The following IARS2 variants were observed in gnomAD, a reference collection of about 807,000 sequenced individuals.
IARS2 encodes isoleucine--tRNA ligase, mitochondrial.
In IARS2, 56 loss-of-function variants were observed where a neutral mutation model predicts 126.3. The observed-to-expected ratio is 0.44, with a 90% confidence interval of 0.36 to 0.55. The LOEUF is 0.55. Among genes scored for constraint, IARS2 ranks in the 20% least tolerant of loss-of-function variants. The pLI, the probability that IARS2 is intolerant of heterozygous loss-of-function variation, is 0.00. For synonymous variants in IARS2, 407 were observed against 441.1 expected (o/e 0.92, Z 0.97); for missense variants, 1,127 against 1,245.9 (o/e 0.90, Z 1.44).
At position 220,094,329 on chromosome 1, in the gene IARS2, A is replaced by C; in HGVS notation, c.113A>C (p.Lys38Thr). The change falls in exon 1 of 23, where the codon AAG becomes ACG. Residue 38 changes from lysine (K) to threonine (T), a missense_variant. Coordinates refer to ENST00000366922, the MANE Select transcript of IARS2 (RefSeq NM_018060.4). ...PCSPGWQGAT[K>T]RLLVRSVSGA... Reference sequence around the variant, plus strand: ...AGCCCGGGATGGCAAGGGGCGACGAAGAGGCTTCTGGTGCGGTCGGTCTCC... The same window carrying C: ...AGCCCGGGATGGCAAGGGGCGACGACGAGGCTTCTGGTGCGGTCGGTCTCC... The C allele has an allele frequency of 6.2e-7, 1 of 1,612,832 alleles. No homozygotes were observed. Among genetic ancestry groups the C allele is most frequent in the Non-Finnish European group, 8.5e-7 (1 of 1,179,556 alleles).
chr1:220,102,375 C>A lies in IARS2; in HGVS notation c.712C>A (p.Arg238=). 6.2e-7 allele frequency: 1 copy of A among 1,613,650 alleles called. No homozygotes were observed. Among genetic ancestry groups the A allele is most frequent in the Non-Finnish European group, 8.5e-7 (1 of 1,179,904 alleles). ...TTGTCTTTTATAGGGCTTGGTTTAT[C>A]GATCTTACAAACCTGTGTTTTGGTC... is the stretch of plus-strand genomic sequence containing the variant. ...YQMYDKGLVY[R]SYKPVFWSPS... Residue 238 remains arginine (R), a synonymous_variant, in exon 5 of 23, where the codon CGA becomes AGA. Transcript: ENST00000366922.
Position 220,145,618 on chromosome 1 carries a change from T to G in IARS2, c.2861T>G (p.Ile954Ser). Reference sequence around the variant, plus strand: ...CCACGAGAGATGACTGCAGATGTAATCGAGCTTAAAGGGAAATTCCTCATC... The same window carrying G: ...CCACGAGAGATGACTGCAGATGTAAGCGAGCTTAAAGGGAAATTCCTCATC... ...QEPREMTADV[I>S]ELKGKFLINL... The change falls in exon 22 of 23, where the codon ATC becomes AGC. Residue 954 changes from isoleucine (I) to serine (S), a missense_variant. Coordinates refer to ENST00000366922, the MANE Select transcript of IARS2 (RefSeq NM_018060.4). The G allele has an allele frequency of 1.9e-6, 3 of 1,613,476 alleles. No homozygotes were observed. Among genetic ancestry groups the G allele is most frequent in the Non-Finnish European group, 2.5e-6 (3 of 1,179,616 alleles).
At chr1:220,128,321 C>T (rs1170033174) in intron 14 of IARS2, among the ~76,000 whole-genome samples, 3 of 152,172 alleles carry the variant, frequency 2.0e-5, no homozygotes, top group African/African-American at 7.2e-5. Context: ...TGTATTTTTA[C>T]TGTACCTTTT....
At chr1:220,139,601 A>G (rs910129252) in intron 18 of IARS2, among the ~76,000 whole-genome samples, 1 of 152,132 alleles carries the variant, frequency 6.6e-6, no homozygotes, top group African/African-American at 2.4e-5. Context: ...AATTTTAAAA[A>G]TTAGCCAGGC....
At chr1:220,095,017 G>A (rs183044860) in intron 1 of IARS2, among the ~76,000 whole-genome samples, 1 of 151,782 alleles carries the variant, frequency 6.6e-6, no homozygotes, top group East Asian at 1.9e-4. Context: ...TGAAGGGGAA[G>A]TTGAAGCCCA....
intron 12 of IARS2, chr1:220,117,986 G>T: frequency 2.2e-6 from 1 of 456,186 alleles, no homozygotes; most frequent in South Asian, 1.7e-5. Context: ...TTCCATTATT[G>T]GATCTTTTTG....
Position 220,106,055 on chromosome 1 carries a change from C to G in IARS2, c.1231C>G (p.Pro411Ala). 1 of 1,610,254 alleles carries G rather than the reference C, an allele frequency of 6.2e-7. No homozygotes were observed. The highest frequency in any genetic ancestry group is 8.5e-7 in the Non-Finnish European group (1 of 1,177,370). Residue 411 changes from proline to alanine, a missense_variant, in exon 9 of 23, where the codon CCC (proline) becomes GCC (alanine). Coordinates refer to ENST00000366922, the MANE Select transcript of IARS2 (RefSeq NM_018060.4). ...CGGTGTAGCGTCTCAGCACAACCTG[C>G]CCATGGTACTGTTCCTCTTTTATCA... ...DYGVASQHNL[P>A]MDCLVDEDGV...
intron 14 of IARS2, among the ~76,000 whole-genome samples, chr1:220,132,863 G>A (rs896313677): frequency 6.6e-6 from 1 of 151,874 alleles, no homozygotes; most frequent in South Asian, 2.1e-4. Context: ...TGTTTATTTG[G>A]ATCTTCTTTT....
At chr1:220,101,727 G>A (rs1256473465) in intron 3 of IARS2, among the ~76,000 whole-genome samples, 1 of 149,332 alleles carries the variant, frequency 6.7e-6, no homozygotes, top group Non-Finnish European at 1.5e-5. Context: ...GTGCTCGGGC[G>A]CCGTGGCTCA....
chr1:220,098,659 A>G (rs190796713), intron 2 of IARS2, among the ~76,000 whole-genome samples: 1 of 152,342 alleles, frequency 6.6e-6, no homozygotes, highest in Non-Finnish European at 1.5e-5. Flanking sequence ...CATGAATATT[A>G]GAAAAATGAA....
At chr1:220,094,630 A>G (rs994669551) in intron 1 of IARS2, 147 bp downstream of exon 1, 20 of 667,246 alleles carry the variant, frequency 3.0e-5, no homozygotes, top group Non-Finnish European at 3.9e-5. Context: ...TCTGCTTCGC[A>G]CAGATTTTGT....
rs1398008785 is a variant in IARS2 at position 220,135,043 on chromosome 1, T to C, written c.1946+533T>C. On this transcript the variant is annotated intron_variant, in intron 15 of 22. Coordinates refer to ENST00000366922, the MANE Select transcript of IARS2 (RefSeq NM_018060.4). ...TTGGCCTCCCAAAGTGGTAGGATTA[T>C]AGGCGTGAGCCACCATGCCTGGCCT... 4.6e-5 allele frequency among the ~76,000 whole-genome samples: 7 copies of C among 152,114 alleles called. No homozygotes were observed. In the East Asian group the frequency reaches 1.4e-3, roughly 29 times the overall value.
chr1:220,104,631 T>A (rs1656643987), intron 8 of IARS2, among the ~76,000 whole-genome samples: 1 of 152,176 alleles, frequency 6.6e-6, no homozygotes, highest in South Asian at 2.1e-4. Context: ...GTGATCCTCC[T>A]GCTTTGGTCT....
intron 11 of IARS2, among the ~76,000 whole-genome samples, chr1:220,111,668 AAT>A (rs1462099479): frequency 2.0e-5 from 3 of 149,090 alleles, no homozygotes; most frequent in Admixed American, 6.7e-5. Flanking sequence ...AAAGAGCTTA[AAT>A]ATATATGTGT....
intron 2 of IARS2, 133 bp from the exon 3 acceptor site, chr1:220,100,357 T>TA (rs1356212563): frequency 2.6e-5 from 19 of 724,846 alleles, no homozygotes; most frequent in Non-Finnish European, 3.7e-5. Flanking sequence ...GTATTAAGTT[T>TA]AAAAAAAAGA....
In IARS2 at chr1:220,148,041, A is replaced by C; in HGVS notation, c.*406A>C. ...GAAAATAAAGGCATTCTGGAAAAATACTGACTGATTTTGGTGCAGAAGTTT... is the reference window on the plus strand; with the variant it reads ...GAAAATAAAGGCATTCTGGAAAAATCCTGACTGATTTTGGTGCAGAAGTTT... On this transcript the variant is annotated 3_prime_UTR_variant, in exon 23 of 23. Coordinates refer to ENST00000366922, the MANE Select transcript of IARS2 (RefSeq NM_018060.4). The C allele has an allele frequency of 2.7e-6, 1 of 369,094 alleles. No homozygotes were observed. Among genetic ancestry groups the C allele is most frequent in the Admixed American group, 4.6e-5 (1 of 21,718 alleles). The allele number at this position is 369,094 out of a possible 1,614,324, so 22.9% of individuals were successfully genotyped here.
intron 12 of IARS2, among the ~76,000 whole-genome samples, chr1:220,123,547 C>T (rs1304904419): frequency 1.3e-5 from 2 of 152,304 alleles, no homozygotes; most frequent in South Asian, 4.1e-4. Context: ...GATCTCAGCT[C>T]ACTGCAAGCT....
chr1:220,134,266 T>G, intron 14 of IARS2, 136 bp from the exon 15 acceptor site: 1 of 578,570 alleles, frequency 1.7e-6, no homozygotes, highest in Non-Finnish European at 3.0e-6. Flanking sequence ...TTGGTTAAGG[T>G]GGCATCTGTC....
At chr1:220,136,649 AAAAAAGAG>A (rs1397231875) in intron 15 of IARS2, among the ~76,000 whole-genome samples, 152 bp from the exon 16 acceptor site, 1 of 151,674 alleles carries the variant, frequency 6.6e-6, no homozygotes, top group African/African-American at 2.4e-5. Flanking sequence ...AAAAAAAAAA[AAAAAAGAG>A]AAGAAAAGAA....
Sources: gnomAD v4.1 joint callset for allele counts (sites outside exome capture counted in the v4.1 genomes callset) on GRCh38, gnomAD v4.1.1 for gene constraint, MANE v1.5 for transcripts, NCBI Gene and HGNC (gene_info 2026-07-23, HGNC 2026-07-21) for gene names.